The following KIFAP3 variants were observed in gnomAD, a reference collection of about 807,000 sequenced individuals.
The protein encoded by KIFAP3 is kinesin-associated protein 3.
In KIFAP3, 68 loss-of-function variants were observed where a neutral mutation model predicts 106.5. The observed-to-expected ratio is 0.64, with a 90% CI of 0.53 to 0.78. KIFAP3 has a LOEUF of 0.78. Ranked by LOEUF, KIFAP3 falls within the 30% of genes least tolerant of loss-of-function variation. The probability of loss-of-function intolerance (pLI) is 0.00; values close to 1 mark genes in which losing one functional copy is unlikely to be tolerated. For missense variants in KIFAP3, 780 were observed against 941.8 expected (o/e 0.83, Z 2.25); for synonymous variants, 320 against 311.5 (o/e 1.03, Z -0.29).
chr1:170,047,320 C>CA (rs911162453), intron 2 of KIFAP3, among the ~76,000 whole-genome samples: 6 of 148,702 alleles, frequency 4.0e-5, no homozygotes, highest in African/African-American at 7.4e-5. Context: ...AAGGTAAAAG[C>CA]AAAAAAAAAG....
At chr1:169,993,908 G>C (rs1667244329) in intron 10 of KIFAP3, among the ~76,000 whole-genome samples, 1 of 151,472 alleles carries the variant, frequency 6.6e-6, no homozygotes, top group Admixed American at 6.6e-5. Context: ...AAAAAATACA[G>C]TGATCTTCTA....
rs184480517 is a variant in KIFAP3 at position 170,060,370 on chromosome 1, G to A, written c.33-4934C>T. On this transcript the variant is annotated intron_variant, in intron 1 of 19. Coordinates refer to ENST00000361580, the MANE Select transcript of KIFAP3 (RefSeq NM_014970.4). ...CAGGCGTTCCTATACACCAATAACAGACAAACAGAGAGCCAAATCATGAGT... is the reference window on the plus strand; with the variant it reads ...CAGGCGTTCCTATACACCAATAACAAACAAACAGAGAGCCAAATCATGAGT... 3.9e-3 allele frequency among the ~76,000 whole-genome samples: 589 copies of A among 152,222 alleles called. 2 individuals carry two copies. The highest frequency in any genetic ancestry group is 0.011 in the South Asian group (55 of 4,824).
At position 170,055,289 on chromosome 1, in the gene KIFAP3, CAAAT is replaced by C. The variant is rs1177177826; in HGVS notation, c.164+12_164+15del. ...ATGTTCACTACTTTCAAAATGTGCA[CAAAT>C]AAAGAACTTACATTTTTTGACATTC... On this transcript the variant is annotated intron_variant, in intron 2 of 19. Transcript: ENST00000361580. 6.3e-7 allele frequency: 1 copy of C among 1,589,804 alleles called. No homozygotes were observed. The highest frequency in any genetic ancestry group is 1.9e-5 in the Admixed American group (1 of 53,726).
chr1:170,035,841 T>G (rs913807470), intron 5 of KIFAP3, among the ~76,000 whole-genome samples: 3 of 152,098 alleles, frequency 2.0e-5, no homozygotes, highest in Admixed American at 6.5e-5. Flanking sequence ...TAAAAAGCCT[T>G]TCATTTCTTA....
intron 9 of KIFAP3, 53 bp from the exon 10 acceptor site, chr1:170,016,677 A>G: frequency 9.3e-7 from 1 of 1,071,638 alleles, no homozygotes; most frequent in Non-Finnish European, 1.3e-6. Context: ...AAATAGGACA[A>G]AAAGAATATA....
At chr1:169,950,384 AT>A (rs1298233084) in intron 19 of KIFAP3, among the ~76,000 whole-genome samples, 1 of 152,172 alleles carries the variant, frequency 6.6e-6, no homozygotes, top group Non-Finnish European at 1.5e-5. Context: ...CCTTTTATAC[AT>A]TAATCAAGTA....
chr1:170,004,123 A>C (rs1667813116), intron 10 of KIFAP3, among the ~76,000 whole-genome samples: 1 of 152,142 alleles, frequency 6.6e-6, no homozygotes, highest in African/African-American at 2.4e-5. Context: ...CAAAGAGAAT[A>C]AAATACCTAG....
chr1:170,026,782 A>G (rs1669129811), intron 8 of KIFAP3, among the ~76,000 whole-genome samples: 1 of 152,196 alleles, frequency 6.6e-6, no homozygotes, highest in Non-Finnish European at 1.5e-5. Context: ...TGGCAATCCC[A>G]TAATTCATGC....
intron 1 of KIFAP3, among the ~76,000 whole-genome samples, chr1:170,073,767 C>G (rs1178715618): frequency 6.6e-6 from 1 of 151,928 alleles, no homozygotes; most frequent in Non-Finnish European, 1.5e-5. Flanking sequence ...ATAATCCCAA[C>G]AGACTACAAT....
At chr1:170,013,672 T>C (rs1428562210) in intron 10 of KIFAP3, among the ~76,000 whole-genome samples, 2 of 152,080 alleles carry the variant, frequency 1.3e-5, no homozygotes, top group East Asian at 3.9e-4. Context: ...TGCTACGATG[T>C]GTCAGGACGT....
At chr1:170,005,589 C>T (rs1293714113) in intron 10 of KIFAP3, among the ~76,000 whole-genome samples, 3 of 151,192 alleles carry the variant, frequency 2.0e-5, no homozygotes, top group South Asian at 4.2e-4. Context: ...CCATCATTCT[C>T]ACCAAACTAT....
intron 16 of KIFAP3, among the ~76,000 whole-genome samples, chr1:169,974,292 GAA>G (rs778451597): frequency 4.0e-5 from 6 of 151,866 alleles, no homozygotes; most frequent in African/African-American, 7.2e-5. Flanking sequence ...AAAACAATTT[GAA>G]AAGAGTCCAC....
At chr1:169,968,777 AT>A (rs943694524) in intron 17 of KIFAP3, among the ~76,000 whole-genome samples, 18 of 151,540 alleles carry the variant, frequency 1.2e-4, no homozygotes, top group Non-Finnish European at 2.7e-4. Flanking sequence ...GTAAGAAATA[AT>A]TTTTTTTCTT....
At position 169,967,459 on chromosome 1, in the gene KIFAP3, T is replaced by C. The variant is rs181201053; in HGVS notation, c.1983+5054A>G. On this transcript the variant is annotated intron_variant, in intron 17 of 19. Transcript: ENST00000361580. The stretch of plus-strand genomic sequence containing the variant: ...AGCCATGGCAAAGTGAGTTTCTTTG[T>C]GTTTCAGCATCTGCATTTATAGCTA... Among the ~76,000 whole-genome samples, 665 of 151,926 alleles carry C rather than the reference T, an allele frequency of 4.4e-3. 6 individuals carry two copies. Among genetic ancestry groups the C allele is most frequent in the Non-Finnish European group, 6.4e-3 (432 of 67,788 alleles).
At chr1:169,945,082 C>T (rs961050950) in intron 19 of KIFAP3, among the ~76,000 whole-genome samples, 1 of 152,140 alleles carries the variant, frequency 6.6e-6, no homozygotes, top group Non-Finnish European at 1.5e-5. Flanking sequence ...TTCAGCACCC[C>T]CTGGCCTCCC....
intron 15 of KIFAP3, among the ~76,000 whole-genome samples, chr1:169,979,877 A>T (rs1666421030): frequency 6.6e-6 from 1 of 152,178 alleles, no homozygotes; most frequent in Non-Finnish European, 1.5e-5. Context: ...ACCTAACTCT[A>T]CTATCCATCA....
chr1:170,056,303 G>A (rs556056537), intron 1 of KIFAP3, among the ~76,000 whole-genome samples: 4 of 152,266 alleles, frequency 2.6e-5, no homozygotes, highest in Non-Finnish European at 4.4e-5. Context: ...GGTTAGGTAC[G>A]CTGTATAGTC....
intron 10 of KIFAP3, among the ~76,000 whole-genome samples, chr1:170,001,066 ATTTG>A (rs1282416784): frequency 6.6e-6 from 1 of 152,066 alleles, no homozygotes; most frequent in East Asian, 1.9e-4. Context: ...ATAGATTTTC[ATTTG>A]TTTTAGTATG....
At chr1:169,962,041 T>C (rs1012657379) in intron 17 of KIFAP3, among the ~76,000 whole-genome samples, 1 of 152,154 alleles carries the variant, frequency 6.6e-6, no homozygotes, top group African/African-American at 2.4e-5. Context: ...TAAAATGACA[T>C]ATTTTGCTGT....
Sources: gnomAD v4.1 joint callset for allele counts (sites outside exome capture counted in the v4.1 genomes callset) on GRCh38, gnomAD v4.1.1 for gene constraint, MANE v1.5 for transcripts, NCBI Gene and HGNC (gene_info 2026-07-23, HGNC 2026-07-21) for gene names.